RASGRP3: variants seen among roughly 807,000 people sequenced by gnomAD.
RASGRP3 encodes ras guanyl-releasing protein 3.
A neutral mutation model predicts 82.7 loss-of-function variants in RASGRP3; 54 were observed. That is an observed-to-expected ratio of 0.65 (90% CI 0.52 to 0.82). The LOEUF (loss-of-function observed/expected upper bound fraction) is 0.82. Among genes scored for constraint, RASGRP3 ranks in the 40% least tolerant of loss-of-function variants. The pLI is 0.00. For synonymous variants in RASGRP3, 309 were observed against 300.5 expected, an observed-to-expected ratio of 1.03 and a Z score of -0.29; for missense variants, 861 against 828.9, an observed-to-expected ratio of 1.04 and a Z score of -0.48.
intron 4 of RASGRP3, chr2:33,516,859 A>T (rs1024352446): frequency 2.5e-6 from 1 of 404,974 alleles, no homozygotes; most frequent in Admixed American, 4.3e-5. Context: ...ACTTGAAAAT[A>T]ATCACTAAGA....
Position 33,560,634 on chromosome 2 carries a change from A to G in RASGRP3, c.2064+1604A>G, listed in dbSNP as rs772494425. Among the ~76,000 whole-genome samples the G allele has an allele frequency of 2.0e-5, 3 of 152,234 alleles. No homozygotes were observed. The South Asian group carries it at 6.2e-4, about 31-fold the overall frequency. ...TCTGGATTCCCTGTCTAGTCACCCC[A>G]TACACTAACTCAGCCTGCAGAGGCT... On this transcript the variant is annotated intron_variant, in intron 17 of 17. Coordinates refer to ENST00000403687, the MANE Select transcript of RASGRP3 (RefSeq NM_001139488.2).
intron 2 of RASGRP3, among the ~76,000 whole-genome samples, chr2:33,463,407 AAG>A (rs1229381970): frequency 6.6e-6 from 1 of 152,206 alleles, no homozygotes. Context: ...AAAGAAAGAA[AAG>A]AGAAGAGATA....
At chr2:33,524,320 A>C (rs1672317500) in intron 8 of RASGRP3, 112 bp from the exon 9 acceptor site, 3 of 764,666 alleles carry the variant, frequency 3.9e-6, no homozygotes, top group Non-Finnish European at 6.3e-6. Flanking sequence ...AAATTGATGT[A>C]ATGTTTTCCT....
intron 14 of RASGRP3, 57 bp from the exon 15 acceptor site, chr2:33,555,474 G>C: frequency 6.7e-7 from 1 of 1,484,576 alleles, no homozygotes; most frequent in Non-Finnish European, 9.3e-7. Context: ...CAGTGGCCTT[G>C]TTTTCCTTCC....
chr2:33,448,991 G>T (rs1665644946), intron 2 of RASGRP3, among the ~76,000 whole-genome samples: 1 of 152,146 alleles, frequency 6.6e-6, no homozygotes, highest in Non-Finnish European at 1.5e-5. Context: ...ATCATTTGTT[G>T]TAATGAGATT....
intron 2 of RASGRP3, among the ~76,000 whole-genome samples, chr2:33,461,466 C>T (rs558113180): frequency 4.6e-5 from 7 of 152,212 alleles, no homozygotes; most frequent in Non-Finnish European, 8.8e-5. Flanking sequence ...TTAGTAGAGG[C>T]GGGGTTTCGC....
chr2:33,556,636 T>A (rs1386005661), intron 15 of RASGRP3, among the ~76,000 whole-genome samples: 6 of 152,210 alleles, frequency 3.9e-5, no homozygotes, highest in Non-Finnish European at 8.8e-5. Context: ...AGATGAATGT[T>A]GTTCCCCAGG....
chr2:33,547,994 TG>T (rs1674966978), intron 13 of RASGRP3, among the ~76,000 whole-genome samples: 1 of 151,988 alleles, frequency 6.6e-6, no homozygotes, highest in Non-Finnish European at 1.5e-5. Context: ...GAAAACCAAG[TG>T]GCATAAACAG....
intron 1 of RASGRP3, among the ~76,000 whole-genome samples, chr2:33,510,780 T>A (rs895739307): frequency 1.4e-4 from 22 of 152,330 alleles, no homozygotes; most frequent in Non-Finnish European, 8.8e-5. Context: ...TACTCAGAGA[T>A]AAGTCAGACT....
At chr2:33,481,292 G>C (rs1667872961) in intron 1 of RASGRP3, 2 of 152,206 alleles carry the variant, frequency 1.3e-5, no homozygotes, top group Admixed American at 1.3e-4. Context: ...CTCCCGAGTA[G>C]CTGGGACTAC....
intron 1 of RASGRP3, chr2:33,493,205 A>G (rs1037002963): frequency 2.6e-5 from 4 of 152,238 alleles, no homozygotes; most frequent in Non-Finnish European, 5.9e-5. Flanking sequence ...AATTGGAGCT[A>G]CCTGAGCCCT....
upstream of RASGRP3, chr2:33,476,516 TGAG>T (rs1427704967): frequency 1.3e-5 from 2 of 152,160 alleles, no homozygotes; most frequent in Non-Finnish European, 2.9e-5. Flanking sequence ...GGTTTGCGAG[TGAG>T]GAGAAGAATG....
intron 1 of RASGRP3, among the ~76,000 whole-genome samples, chr2:33,510,519 G>C (rs1373244333): frequency 6.6e-6 from 1 of 152,172 alleles, no homozygotes; most frequent in South Asian, 2.1e-4. Context: ...CAGTGTCATC[G>C]TATTTTTTCT....
At chr2:33,444,917 C>A (rs1030788733) in intron 1 of RASGRP3, among the ~76,000 whole-genome samples, 1 of 152,160 alleles carries the variant, frequency 6.6e-6, no homozygotes, top group African/African-American at 2.4e-5. Context: ...AGCCTAAAAT[C>A]GAGTTCCAAA....
Position 33,450,340 on chromosome 2 carries a change from G to T in RASGRP3, c.-261+2397G>T, listed in dbSNP as rs149778076. 2.5e-3 allele frequency among the ~76,000 whole-genome samples: 378 copies of T among 152,128 alleles called. 1 individual carries two copies. Among genetic ancestry groups the T allele is most frequent in the African/African-American group, 8.8e-3 (366 of 41,490 alleles). Reference sequence around the variant, plus strand: ...CTGTACAACAGAACTTATACATCTTGTCAAACTGAAATTTTGTACCCTTTG... The same window carrying T: ...CTGTACAACAGAACTTATACATCTTTTCAAACTGAAATTTTGTACCCTTTG... On this transcript the variant is annotated intron_variant, in intron 2 of 18. Transcript: ENST00000402538.
rs184024877 is a variant in RASGRP3, at chr2:33,480,019, G to C, written c.-261+3312G>C. 3.3e-5 allele frequency among the ~76,000 whole-genome samples: 5 copies of C among 151,240 alleles called. No individual in the cohort carries two copies. In the East Asian group the frequency reaches 9.7e-4, roughly 29 times the overall value. On this transcript the variant is annotated intron_variant, in intron 1 of 17. Transcript: ENST00000403687. ...CAAGATTACACATTTTGAAGATCAA[G>C]CTATTTATAGCATGAAAGAGGAATT...
intron 3 of RASGRP3, among the ~76,000 whole-genome samples, chr2:33,515,938 A>G (rs1332898572): frequency 2.0e-5 from 3 of 152,252 alleles, no homozygotes; most frequent in Non-Finnish European, 4.4e-5. Context: ...TAGTGTTAGT[A>G]TGACCTAAAT....
At chr2:33,500,469 G>A (rs1364055560) in intron 1 of RASGRP3, among the ~76,000 whole-genome samples, 1 of 152,144 alleles carries the variant, frequency 6.6e-6, no homozygotes, top group East Asian at 1.9e-4. Flanking sequence ...ATGAAGGGCA[G>A]TGGGCGAGGA....
At chr2:33,561,742 C>T (rs1349215074) in intron 17 of RASGRP3, among the ~76,000 whole-genome samples, 1 of 151,888 alleles carries the variant, frequency 6.6e-6, no homozygotes, top group Non-Finnish European at 1.5e-5. Flanking sequence ...AGAAAAGGTA[C>T]GTGTGTTTGT....
Sources: gnomAD v4.1 joint callset for allele counts (sites outside exome capture counted in the v4.1 genomes callset) on GRCh38, gnomAD v4.1.1 for gene constraint, MANE v1.5 for transcripts, NCBI Gene and HGNC (gene_info 2026-07-23, HGNC 2026-07-21) for gene names.